OCSTAMP: variants seen among roughly 807,000 people sequenced by gnomAD.
OCSTAMP encodes transmembrane protein C20orf123.
OCSTAMP carries 17 observed loss-of-function variants against 25.2 expected under a neutral mutation model. The observed-to-expected ratio is 0.68, with a 90% CI of 0.46 to 1.01. The LOEUF is 1.01. Ranked by LOEUF, OCSTAMP falls within the 50% of genes least tolerant of loss-of-function variation. The pLI, the probability that OCSTAMP is intolerant of heterozygous loss-of-function variation, is 0.00. For missense variants in OCSTAMP, 664 were observed against 694.6 expected (o/e 0.96, Z 0.50); for synonymous variants, 345 against 318.9 (o/e 1.08, Z -0.87).
chr20:46,541,217 G>A lies in OCSTAMP; in HGVS notation c.*57C>T, dbSNP rs2061832398. ...GAGCCTGATCGCCAACCAGCCTGGA[G>A]GAACCATGAGCTCTCTCTGCACTCC... On this transcript the variant is annotated 3_prime_UTR_variant, in exon 3 of 3. Transcript: ENST00000279028. 9 of 682,962 alleles carry A rather than the reference G, an allele frequency of 1.3e-5. No individual in the cohort carries two copies. In the East Asian group the frequency reaches 2.4e-4, roughly 18 times the overall value. 42.3% of individuals were successfully genotyped at this position (682,962 alleles called of 1,614,324 possible).
intron 2 of OCSTAMP, among the ~76,000 whole-genome samples, chr20:46,543,305 C>CCTTCCTTTCTTTCTTTCTCTCTTT (rs1555872066): frequency 7.8e-6 from 1 of 128,376 alleles, no homozygotes; most frequent in African/African-American, 3.0e-5. Flanking sequence ...CTTTCTCTTT[C>CCTTCCTTTCTTTCTTTCTCTCTTT]CTTTCTTTCT....
Position 46,550,565 on chromosome 20 carries a change from T to A in OCSTAMP, c.-5A>T. On this transcript the variant is annotated 5_prime_UTR_variant, in exon 1 of 3. Transcript: ENST00000279028. Reference sequence around the variant, plus strand: ...TGCTCCTGGGTGGCCTGGCATGCTGTCCAAATGGCAGTGGTTTCAGGCGGG... The same window carrying A: ...TGCTCCTGGGTGGCCTGGCATGCTGACCAAATGGCAGTGGTTTCAGGCGGG... 1 of 1,551,668 alleles carries A rather than the reference T, an allele frequency of 6.4e-7. No individual in the cohort carries two copies. Among genetic ancestry groups the A allele is most frequent in the Non-Finnish European group, 8.7e-7 (1 of 1,146,960 alleles).
At chr20:46,544,972 A>G (rs1489805562) in intron 2 of OCSTAMP, among the ~76,000 whole-genome samples, 1 of 152,200 alleles carries the variant, frequency 6.6e-6, no homozygotes, top group Non-Finnish European at 1.5e-5. Context: ...ACAATACCAC[A>G]TTGTAAGACA....
intron 2 of OCSTAMP, among the ~76,000 whole-genome samples, chr20:46,545,083 G>T (rs567789342): frequency 9.2e-5 from 14 of 152,274 alleles, no homozygotes; most frequent in Admixed American, 5.9e-4. Flanking sequence ...TTGGATGCAA[G>T]TTATTTTAAG....
rs1459116846 is a variant in OCSTAMP, at chr20:46,541,350, G to A, written c.1625C>T (p.Thr542Ile). The change falls in exon 3 of 3, where the codon ACC becomes ATC. Residue 542 changes from threonine to isoleucine, a missense_variant. Transcript: ENST00000279028. ...FLHLHNDSIF[T>I]IDVTYFPRRD... is the part of the protein sequence containing the mutation. ...GCGTGGGAAGTAGGTCACATCAATGGTAAATATGCTGTCGTTATGCAGATG... is the reference window on the plus strand; with the variant it reads ...GCGTGGGAAGTAGGTCACATCAATGATAAATATGCTGTCGTTATGCAGATG... The A allele has an allele frequency of 2.5e-6, 2 of 786,438 alleles. No homozygotes were observed. Among genetic ancestry groups the A allele is most frequent in the East Asian group, 5.3e-5 (2 of 37,566 alleles). The allele number at this position is 786,438 out of a possible 1,614,324, so 48.7% of individuals were successfully genotyped here.
intron 2 of OCSTAMP, among the ~76,000 whole-genome samples, chr20:46,544,038 A>G (rs923021661): frequency 2.0e-5 from 3 of 152,300 alleles, no homozygotes; most frequent in South Asian, 2.1e-4. Context: ...GTGGGACACC[A>G]TCTCTAAAAA....
Position 46,541,863 on chromosome 20 carries a change from A to G in OCSTAMP, c.1112T>C (p.Phe371Ser), listed in dbSNP as rs964161412. 118 of 1,468,438 alleles carry G rather than the reference A, an allele frequency of 8.0e-5. No homozygotes were observed. The highest frequency in any genetic ancestry group is 1.0e-4 in the Non-Finnish European group (116 of 1,114,260). 91.0% of individuals were successfully genotyped at this position (1,468,438 alleles called of 1,614,324 possible). A position where few individuals can be genotyped will look rare whatever the true frequency, so the allele number is the denominator to read the frequency against. ...TTGGTAGGAGCTGTGGACGGAGAGG[A>G]AGGGGCTCTCCGGAGCCAGCTGGTT... ...LFNQLAPESP[F>S]LSVHSSYQWE... The change falls in exon 3 of 3, where the codon TTC becomes TCC. Residue 371 changes from phenylalanine (F) to serine (S), a missense_variant. Phe to Ser is a radical substitution (Grantham distance 155). Transcript: ENST00000279028.
At chr20:46,549,267 A>G (rs1041562815) in intron 1 of OCSTAMP, among the ~76,000 whole-genome samples, 4 of 152,222 alleles carry the variant, frequency 2.6e-5, no homozygotes, top group African/African-American at 9.6e-5. Flanking sequence ...GAGGGATCCT[A>G]TAAAACTGCA....
intron 2 of OCSTAMP, among the ~76,000 whole-genome samples, chr20:46,543,233 TTTC>T (rs1363560166): frequency 9.4e-6 from 1 of 106,828 alleles, no homozygotes; most frequent in Non-Finnish European, 1.8e-5. Flanking sequence ...TTCCTTTCTT[TTTC>T]TTTCTTTCTT....
At position 46,545,412 on chromosome 20, in the gene OCSTAMP, T is replaced by C. The variant is rs1379763506; in HGVS notation, c.962A>G (p.His321Arg). 1 of 1,548,240 alleles carries C rather than the reference T, an allele frequency of 6.5e-7. No individual in the cohort carries two copies. The highest frequency in any genetic ancestry group is 2.0e-5 in the Admixed American group (1 of 50,296). ...AGCCTGTGCCAGGAGGAAGGCTACA[T>C]GGTCTGTGGCCACCGCCACAGCCGT... is the stretch of plus-strand genomic sequence containing the variant. Reference protein sequence around the residue: ...VATAVAVATDHVAFLLAQATV... With the variant: ...VATAVAVATDRVAFLLAQATV... Residue 321 changes from histidine to arginine, a missense_variant, in exon 2 of 3, where the codon CAT becomes CGT. Transcript: ENST00000279028.
At chr20:46,547,384 G>T (rs2061856500) in intron 1 of OCSTAMP, among the ~76,000 whole-genome samples, 3 of 152,140 alleles carry the variant, frequency 2.0e-5, no homozygotes, top group Non-Finnish European at 4.4e-5. Context: ...CTAAAGCCAT[G>T]TGCACCATGA....
chr20:46,549,266 T>G (rs947174732), intron 1 of OCSTAMP, among the ~76,000 whole-genome samples: 2 of 152,208 alleles, frequency 1.3e-5, no homozygotes, highest in Non-Finnish European at 2.9e-5. Flanking sequence ...AGAGGGATCC[T>G]ATAAAACTGC....
At chr20:46,542,046 C>A (rs938485649) in intron 2 of OCSTAMP, 119 bp from the exon 3 acceptor site, 72 of 1,331,612 alleles carry the variant, frequency 5.4e-5, no homozygotes, top group Admixed American at 1.1e-4. Context: ...AGAAATAACC[C>A]GTTTCCCAGG....
At chr20:46,546,450 A>G (rs2061853527) in intron 1 of OCSTAMP, 121 bp from the exon 2 acceptor site, 2 of 789,188 alleles carry the variant, frequency 2.5e-6, no homozygotes, top group Non-Finnish European at 4.0e-6. Flanking sequence ...CCTTGTAGTT[A>G]CCCAGGTGGA....
chr20:46,544,167 T>C (rs1248875581), intron 2 of OCSTAMP, among the ~76,000 whole-genome samples: 1 of 152,210 alleles, frequency 6.6e-6, no homozygotes, highest in East Asian at 1.9e-4. Context: ...TACAGTGAGC[T>C]GTGATTGCAC....
rs1364353571 is a variant in OCSTAMP, at chr20:46,545,941, C to T, written c.433G>A (p.Ala145Thr). Residue 145 changes from alanine (A) to threonine (T), a missense_variant, in exon 2 of 3, where the codon GCC becomes ACC. Physicochemically the swap from Ala to Thr is moderately conservative, Grantham distance 58. Transcript: ENST00000279028. ...VPNVLANVGAAGQVLRCVTEG... is the reference protein window; with the variant it reads ...VPNVLANVGATGQVLRCVTEG... Reference sequence around the variant, plus strand: ...GTGACACACCTCAGCACCTGCCCGGCCGCACCCACGTTGGCCAGGACGTTG... The same window carrying T: ...GTGACACACCTCAGCACCTGCCCGGTCGCACCCACGTTGGCCAGGACGTTG... 7.1e-6 allele frequency: 11 copies of T among 1,551,380 alleles called. No individual in the cohort carries two copies. Among genetic ancestry groups the T allele is most frequent in the Non-Finnish European group, 7.0e-6 (8 of 1,146,988 alleles).
intron 1 of OCSTAMP, 59 bp downstream of exon 1, chr20:46,550,458 C>G: frequency 6.8e-7 from 1 of 1,461,248 alleles, no homozygotes; most frequent in Non-Finnish European, 9.4e-7. Flanking sequence ...ATCCATCACC[C>G]CCAATGGCTG....
At chr20:46,543,305 C>T (rs58863430) in intron 2 of OCSTAMP, among the ~76,000 whole-genome samples, 3 of 128,376 alleles carry the variant, frequency 2.3e-5, no homozygotes, top group South Asian at 2.6e-4. Flanking sequence ...CTTTCTCTTT[C>T]CTTTCTTTCT....
Position 46,541,168 on chromosome 20 carries a change from T to C in OCSTAMP, c.*106A>G. 1 of 632,754 alleles carries C rather than the reference T, an allele frequency of 1.6e-6. No homozygotes were observed. Among genetic ancestry groups the C allele is most frequent in the Non-Finnish European group, 2.9e-6 (1 of 343,222 alleles). The allele number at this position is 632,754 out of a possible 1,614,324, so 39.2% of individuals were successfully genotyped here. ...TGATGCAAGGTCTCCATCTAACAAG[T>C]AGAGCAGTTGGTGCAGATGAGATGA... On this transcript the variant is annotated 3_prime_UTR_variant, in exon 3 of 3. Transcript: ENST00000279028.
Sources: gnomAD v4.1 joint callset for allele counts (sites outside exome capture counted in the v4.1 genomes callset) on GRCh38, gnomAD v4.1.1 for gene constraint, MANE v1.5 for transcripts, NCBI Gene and HGNC (gene_info 2026-07-23, HGNC 2026-07-21) for gene names.